Variants in CSMD1 observed in about 807,000 individuals in gnomAD.
CSMD1 encodes the protein CUB and sushi domain-containing protein 1.
Under a neutral mutation model 417.5 loss-of-function variants are expected in CSMD1, and 213 were observed. The observed-to-expected ratio is 0.51, with a 90% CI of 0.46 to 0.57. The LOEUF is 0.57. Among genes scored for constraint, CSMD1 ranks in the 20% least tolerant of loss-of-function variants. The pLI is 0.00. For missense variants in CSMD1, 6,923 were observed against 4,529.7 expected (o/e 1.53, Z -15.17); for synonymous variants, 2,862 against 1,736.8 (o/e 1.65, Z -16.11).
chr8:3,106,450 G>T, intron 46 of CSMD1, 78 bp downstream of exon 46: 1 of 832,502 alleles, frequency 1.2e-6, no homozygotes, highest in South Asian at 1.8e-5. Flanking sequence ...TCTATACAAA[G>T]AAATGCAGAC....
At chr8:3,892,754 G>A (rs981046696) in intron 5 of CSMD1, among the ~76,000 whole-genome samples, 1 of 125,500 alleles carries the variant, frequency 8.0e-6, no homozygotes, top group African/African-American at 3.0e-5. Context: ...TGTGCATTAT[G>A]AAGTTATTGC....
At chr8:3,915,053 A>G (rs1808720710) in intron 5 of CSMD1, among the ~76,000 whole-genome samples, 1 of 152,140 alleles carries the variant, frequency 6.6e-6, no homozygotes, top group Admixed American at 6.5e-5. Flanking sequence ...GGATACAGGC[A>G]GGGAATAGTT....
intron 22 of CSMD1, among the ~76,000 whole-genome samples, chr8:3,346,590 C>A (rs1585032409): frequency 6.6e-6 from 1 of 152,174 alleles, no homozygotes. Flanking sequence ...CATTGAAATA[C>A]AGGCAAACGC....
At chr8:4,409,329 C>A (rs1294438565) in intron 3 of CSMD1, among the ~76,000 whole-genome samples, 3 of 152,142 alleles carry the variant, frequency 2.0e-5, no homozygotes, top group African/African-American at 7.2e-5. Context: ...TAATCCAAAT[C>A]TATGTCATTC....
intron 12 of CSMD1, among the ~76,000 whole-genome samples, chr8:3,439,152 ACCAAGAAAAAAAAAAG>A (rs1814780088): frequency 2.1e-5 from 1 of 47,392 alleles, no homozygotes; most frequent in Non-Finnish European, 3.6e-5. Context: ...AAAAAAAAAA[ACCAAGAAAAAAAAAAG>A]AAAAAGAAAA....
At chr8:4,371,833 T>A (rs1802415438) in intron 3 of CSMD1, among the ~76,000 whole-genome samples, 1 of 152,212 alleles carries the variant, frequency 6.6e-6, no homozygotes, top group Non-Finnish European at 1.5e-5. Flanking sequence ...AGGAACAGGG[T>A]CAAGTAAACT....
Position 4,623,110 on chromosome 8 carries a change from C to T in CSMD1, c.302+14232G>A, listed in dbSNP as rs141065560. Among the ~76,000 whole-genome samples, 130 of 152,038 alleles carry T rather than the reference C, an allele frequency of 8.6e-4. 1 individual carries two copies. The highest frequency in any genetic ancestry group is 2.9e-3 in the African/African-American group (122 of 41,476). The stretch of plus-strand genomic sequence containing the variant: ...TAATACATATTTCAGTCAAAGAACT[C>T]GAATCTGGAATATTTAGAAAGCTCT... On this transcript the variant is annotated intron_variant, in intron 2 of 69. Coordinates refer to ENST00000635120, the MANE Select transcript of CSMD1 (RefSeq NM_033225.6).
At chr8:3,425,002 T>C (rs985418537) in intron 12 of CSMD1, among the ~76,000 whole-genome samples, 4 of 151,978 alleles carry the variant, frequency 2.6e-5, no homozygotes. Flanking sequence ...ACCCAGATAA[T>C]GATTTTATTT....
chr8:3,678,881 T>G (rs1033730282), intron 7 of CSMD1, among the ~76,000 whole-genome samples: 1 of 152,152 alleles, frequency 6.6e-6, no homozygotes, highest in Admixed American at 6.5e-5. Flanking sequence ...GGGGCCAATA[T>G]TCAACATTCT....
chr8:3,149,399 G>C (rs1362488209), intron 40 of CSMD1, among the ~76,000 whole-genome samples: 2 of 152,230 alleles, frequency 1.3e-5, no homozygotes, highest in South Asian at 2.1e-4. Flanking sequence ...TTTCCTATTT[G>C]TTTCACTTTT....
At chr8:3,310,110 T>C (rs764306484) in intron 23 of CSMD1, among the ~76,000 whole-genome samples, 10 of 152,110 alleles carry the variant, frequency 6.6e-5, no homozygotes, top group Admixed American at 3.3e-4. Context: ...AAAGGGGAGG[T>C]AGAAATTAGG....
intron 3 of CSMD1, among the ~76,000 whole-genome samples, chr8:4,093,773 C>T (rs2130855374): frequency 6.6e-6 from 1 of 152,158 alleles, no homozygotes; most frequent in East Asian, 1.9e-4. Context: ...CCAGCTTGGC[C>T]AACATGGTGA....
intron 5 of CSMD1, among the ~76,000 whole-genome samples, chr8:3,916,210 G>T (rs1204106488): frequency 6.6e-6 from 1 of 152,092 alleles, no homozygotes; most frequent in African/African-American, 2.4e-5. Context: ...GAGACTTCCA[G>T]ATGTTGCCAA....
In CSMD1 at chr8:4,882,433, G is replaced by A. The variant is rs1427331174; in HGVS notation, c.85+111899C>T. Among the ~76,000 whole-genome samples the A allele has an allele frequency of 5.3e-5, 8 of 151,600 alleles. No individual in the cohort carries two copies. In the South Asian group the frequency reaches 1.5e-3, roughly 28 times the overall value. On this transcript the variant is annotated intron_variant, in intron 1 of 69. Coordinates refer to ENST00000635120, the MANE Select transcript of CSMD1 (RefSeq NM_033225.6). ...TTGTGTGGCTTTAGCTTCAAATTCC[G>A]GAGGGAATTTGAAGAGTATTGGGGG...
intron 2 of CSMD1, among the ~76,000 whole-genome samples, chr8:4,573,769 A>G (rs1330566654): frequency 6.6e-6 from 1 of 152,148 alleles, no homozygotes; most frequent in Non-Finnish European, 1.5e-5. Flanking sequence ...CAGGAATTTT[A>G]TCTATGAGCC....
intron 1 of CSMD1, among the ~76,000 whole-genome samples, chr8:4,767,986 A>T (rs1812582203): frequency 6.6e-6 from 1 of 152,172 alleles, no homozygotes; most frequent in Non-Finnish European, 1.5e-5. Context: ...CAGAGTGTGG[A>T]GCATGGTGGG....
intron 5 of CSMD1, among the ~76,000 whole-genome samples, chr8:3,926,094 C>CAAACACCATACAT (rs1809675687): frequency 8.3e-5 from 5 of 59,944 alleles, no homozygotes; most frequent in African/African-American, 5.1e-4. Context: ...CACACACACA[C>CAAACACCATACAT]ACACACACAC....
chr8:3,479,683 C>A (rs1024848039), intron 11 of CSMD1, among the ~76,000 whole-genome samples: 1 of 152,012 alleles, frequency 6.6e-6, no homozygotes, highest in African/African-American at 2.4e-5. Flanking sequence ...CCTAGCAATA[C>A]CTAACATGAC....
chr8:3,416,229 T>C lies in CSMD1; in HGVS notation c.1562-6624A>G, dbSNP rs569161614. Among the ~76,000 whole-genome samples the C allele has an allele frequency of 5.7e-5, 8 of 140,080 alleles. No individual in the cohort carries two copies. The South Asian group carries it at 1.5e-3, about 27-fold the overall frequency. 91.9% of individuals were successfully genotyped at this position (140,080 alleles called of 152,430 possible). ...AGGCAGGAGAATGGTGTGAACCTAG[T>C]AGGCTGGAGCTTGCAGTGAACCGGG... On this transcript the variant is annotated intron_variant, in intron 12 of 69. Coordinates refer to ENST00000635120, the MANE Select transcript of CSMD1 (RefSeq NM_033225.6).
Sources: allele counts gnomAD v4.1 joint callset (sites outside exome capture counted in the v4.1 genomes callset), GRCh38; gene constraint gnomAD v4.1.1; transcripts MANE v1.5; gene names NCBI Gene and HGNC (gene_info 2026-07-23, HGNC 2026-07-21).